The following SH3GL2 variants were observed in gnomAD, a reference collection of about 807,000 sequenced individuals.
The protein encoded by SH3GL2 is SH3 domain containing GRB2 like 2, endophilin A1.
Under a neutral mutation model 46.0 loss-of-function variants are expected in SH3GL2, and 24 were observed. The ratio of observed to expected loss-of-function variants is 0.52; its 90% CI spans 0.38 to 0.73. The LOEUF (loss-of-function observed/expected upper bound fraction) is 0.73. Among genes scored for constraint, SH3GL2 ranks in the 30% least tolerant of loss-of-function variants. The probability of loss-of-function intolerance (pLI) is 0.00; values close to 1 mark genes in which losing one functional copy is unlikely to be tolerated. For synonymous variants in SH3GL2, 196 were observed against 147.1 expected, an observed-to-expected ratio of 1.33 and a Z score of -2.40; for missense variants, 413 against 424.2, an observed-to-expected ratio of 0.97 and a Z score of 0.23.
chr9:17,682,093 C>T (rs1022301561), intron 1 of SH3GL2, among the ~76,000 whole-genome samples: 1 of 152,092 alleles, frequency 6.6e-6, no homozygotes, highest in African/African-American at 2.4e-5. Context: ...GAAATGGGAA[C>T]ACTTTCACAC....
intron 1 of SH3GL2, among the ~76,000 whole-genome samples, chr9:17,666,630 C>T (rs1320719049): frequency 6.6e-6 from 1 of 151,346 alleles, no homozygotes. Flanking sequence ...CATTCTCATT[C>T]ATCCTAACAG....
intron 1 of SH3GL2, among the ~76,000 whole-genome samples, chr9:17,587,628 C>T (rs945077923): frequency 6.6e-5 from 10 of 152,012 alleles, no homozygotes; most frequent in Non-Finnish European, 1.3e-4. Flanking sequence ...CTGTAATCCC[C>T]GCACTTTGGG....
chr9:17,588,579 C>T (rs1482121411), intron 1 of SH3GL2, among the ~76,000 whole-genome samples: 1 of 152,136 alleles, frequency 6.6e-6, no homozygotes, highest in Non-Finnish European at 1.5e-5. Context: ...GAGCAGAAAT[C>T]AGCTCTTTGG....
In SH3GL2 at chr9:17,787,430, A is replaced by G. The variant is rs759546571; in HGVS notation, c.382A>G (p.Lys128Glu). 1 of 1,612,428 alleles carries G rather than the reference A, an allele frequency of 6.2e-7. No individual in the cohort carries two copies. Among genetic ancestry groups the G allele is most frequent in the Non-Finnish European group, 8.5e-7 (1 of 1,178,514 alleles). Reference protein sequence around the residue: ...GEAMRELSEVKDSLDIEVKQN... With the variant: ...GEAMRELSEVEDSLDIEVKQN... ...GGCCATGCGGGAACTGTCGGAGGTC[A>G]AAGACTCTTTGGACATAGAAGTGAA... The change falls in exon 5 of 9, where the codon AAA (lysine) becomes GAA (glutamate). Residue 128 changes from lysine to glutamate, a missense_variant. Lys to Glu is a moderately conservative substitution (Grantham distance 56). Coordinates refer to ENST00000380607, the MANE Select transcript of SH3GL2 (RefSeq NM_003026.5).
In SH3GL2 at chr9:17,672,329, G is replaced by A. The variant is rs1295406720; in HGVS notation, c.46-74737G>A. On this transcript the variant is annotated intron_variant, in intron 1 of 8. Coordinates refer to ENST00000380607, the MANE Select transcript of SH3GL2 (RefSeq NM_003026.5). ...CTGTGTACCACTTGCTTCATGTTAA[G>A]ATGCCCTAAATGTAAATAATTGATG... Among the ~76,000 whole-genome samples, 7 of 152,058 alleles carry A rather than the reference G, an allele frequency of 4.6e-5. No homozygotes were observed. The East Asian group carries it at 1.3e-3, about 29-fold the overall frequency.
chr9:17,738,604 C>G (rs1443901764), intron 1 of SH3GL2, among the ~76,000 whole-genome samples: 1 of 82,084 alleles, frequency 1.2e-5, no homozygotes, highest in East Asian at 3.7e-4. Context: ...AATTTTATTT[C>G]AAGGAATTGC....
intron 1 of SH3GL2, among the ~76,000 whole-genome samples, chr9:17,604,136 C>T (rs1036417311): frequency 1.3e-5 from 2 of 152,212 alleles, no homozygotes; most frequent in Admixed American, 1.3e-4. Flanking sequence ...TCACTTCATA[C>T]GTGAGAAAAC....
At chr9:17,666,318 T>G (rs888601198) in intron 1 of SH3GL2, among the ~76,000 whole-genome samples, 2 of 152,068 alleles carry the variant, frequency 1.3e-5, no homozygotes, top group Non-Finnish European at 2.9e-5. Flanking sequence ...TTTTATTTAT[T>G]TGGATATATG....
intron 1 of SH3GL2, among the ~76,000 whole-genome samples, chr9:17,722,667 C>G (rs1434617055): frequency 6.6e-6 from 1 of 151,912 alleles, no homozygotes; most frequent in South Asian, 2.1e-4. Context: ...AAAAAGAATT[C>G]CTCTATTTAC....
intron 3 of SH3GL2, 156 bp downstream of exon 3, chr9:17,761,665 C>T (rs1249450407): frequency 2.8e-6 from 2 of 722,140 alleles, no homozygotes; most frequent in Non-Finnish European, 5.0e-6. Context: ...CACATTTTAA[C>T]TGGGGAGAAG....
chr9:17,767,259 T>A (rs965631131), intron 3 of SH3GL2, among the ~76,000 whole-genome samples: 4 of 152,252 alleles, frequency 2.6e-5, no homozygotes, highest in Non-Finnish European at 5.9e-5. Context: ...TCATTCGATG[T>A]CTATTTAGAA....
intron 1 of SH3GL2, among the ~76,000 whole-genome samples, chr9:17,630,854 T>C (rs1819404774): frequency 6.6e-6 from 1 of 152,170 alleles, no homozygotes; most frequent in African/African-American, 2.4e-5. Flanking sequence ...TGCTGTTTTA[T>C]GGGCAAGGTG....
At chr9:17,714,374 C>G (rs963815783) in intron 1 of SH3GL2, among the ~76,000 whole-genome samples, 2 of 151,654 alleles carry the variant, frequency 1.3e-5, no homozygotes, top group Non-Finnish European at 3.0e-5. Context: ...TTATTCATAT[C>G]TTTAGGTTTA....
intron 1 of SH3GL2, among the ~76,000 whole-genome samples, chr9:17,686,926 A>T (rs934672897): frequency 4.6e-5 from 6 of 130,418 alleles, no homozygotes; most frequent in South Asian, 3.0e-4. Flanking sequence ...GTACCCTAAA[A>T]CTTAAAGTAT....
intron 1 of SH3GL2, among the ~76,000 whole-genome samples, chr9:17,679,178 G>A (rs572789975): frequency 1.3e-5 from 2 of 152,134 alleles, no homozygotes; most frequent in Non-Finnish European, 2.9e-5. Context: ...GAAAGTCATT[G>A]GTAGCTTGAT....
Position 17,795,739 on chromosome 9 carries a change from A to T in SH3GL2, c.1055A>T (p.His352Leu). 6.2e-7 allele frequency: 1 copy of T among 1,613,040 alleles called. No individual in the cohort carries two copies. Among genetic ancestry groups the T allele is most frequent in the Non-Finnish European group, 8.5e-7 (1 of 1,179,318 alleles). ...GTGGAAATTCTGGTTGCCCTGCCCC[A>T]TTAGGATGTTATGCTGGCTGGCTCG... ...NYVEILVALPH is the reference protein window; with the variant it reads ...NYVEILVALPL The change falls in exon 9 of 9, where the codon CAT becomes CTT. Residue 352 changes from histidine to leucine, a missense_variant. Physicochemically the swap from His to Leu is moderately conservative, Grantham distance 99. Around this residue, in one of 3 missense-constraint regions of SH3GL2, gnomAD observed 248 missense variants for 215.0 expected, o/e 1.15. Transcript: ENST00000380607.
intron 1 of SH3GL2, among the ~76,000 whole-genome samples, chr9:17,619,467 C>A (rs966847010): frequency 1.3e-5 from 2 of 152,152 alleles, no homozygotes; most frequent in African/African-American, 4.8e-5. Context: ...TACCTGAGGT[C>A]AGGAGTTCAA....
intron 1 of SH3GL2, among the ~76,000 whole-genome samples, chr9:17,732,989 T>C (rs527558829): frequency 9.9e-5 from 15 of 152,196 alleles, no homozygotes; most frequent in Admixed American, 5.2e-4. Flanking sequence ...GCATACCTGG[T>C]CACTTCACTC....
chr9:17,585,436 G>T (rs748842815), intron 1 of SH3GL2, among the ~76,000 whole-genome samples: 1 of 152,096 alleles, frequency 6.6e-6, no homozygotes, highest in Non-Finnish European at 1.5e-5. Context: ...CTTGTCCTGT[G>T]TTCTTTTAGG....
Sources: gnomAD v4.1 joint callset for allele counts (sites outside exome capture counted in the v4.1 genomes callset) on GRCh38, gnomAD v4.1.1 for gene constraint, gnomAD v4.1.1 regional missense constraint, MANE v1.5 for transcripts, NCBI Gene and HGNC (gene_info 2026-07-23, HGNC 2026-07-21) for gene names.